DENND1A: variants seen among roughly 807,000 people sequenced by gnomAD.
DENND1A encodes DENN domain containing 1A.
In DENND1A, 51 loss-of-function variants were observed where a neutral mutation model predicts 113.7. The observed-to-expected ratio is 0.45, with a 90% CI of 0.36 to 0.57. DENND1A has a LOEUF of 0.57. Among genes scored for constraint, DENND1A ranks in the 20% least tolerant of loss-of-function variants. The pLI is 0.00. For synonymous variants in DENND1A, 565 were observed against 570.8 expected (o/e 0.99, Z 0.14); for missense variants, 1,258 against 1,395.9 (o/e 0.90, Z 1.57).
At chr9:123,397,385 C>T (rs1396599666) in intron 21 of DENND1A, among the ~76,000 whole-genome samples, 1 of 152,180 alleles carries the variant, frequency 6.6e-6, no homozygotes, top group African/African-American at 2.4e-5. Flanking sequence ...GAACTCCTGA[C>T]CTCAAGTGAT....
rs1176124615 is a variant in DENND1A, at chr9:123,897,171, C to T, written c.18-18150G>A. 4.6e-5 allele frequency among the ~76,000 whole-genome samples: 7 copies of T among 152,130 alleles called. No individual in the cohort carries two copies. The East Asian group carries it at 9.6e-4, about 21-fold the overall frequency. On this transcript the variant is annotated intron_variant, in intron 1 of 23. Coordinates refer to ENST00000394215, the MANE Select transcript of DENND1A (RefSeq NM_001352964.2). Reference sequence around the variant, plus strand: ...TAAAACCAGGGGAGAATTCATGGAGCGCTATTTGAGGAACCTAGAAAGTAG... The same window carrying T: ...TAAAACCAGGGGAGAATTCATGGAGTGCTATTTGAGGAACCTAGAAAGTAG...
chr9:123,403,499 G>A lies in DENND1A; in HGVS notation c.1543-9C>T. Reference sequence around the variant, plus strand: ...GGACGAGGTGGGCGCACCTAGAGGAGGTACAGGGGGAGAGCCCCAAGAAGG... The same window carrying A: ...GGACGAGGTGGGCGCACCTAGAGGAAGTACAGGGGGAGAGCCCCAAGAAGG... On this transcript the variant is annotated splice_polypyrimidine_tract_variant and intron_variant, in intron 20 of 23. Coordinates refer to ENST00000394215, the MANE Select transcript of DENND1A (RefSeq NM_001352964.2). 6.2e-7 allele frequency: 1 copy of A among 1,613,350 alleles called. No homozygotes were observed. The highest frequency in any genetic ancestry group is 8.5e-7 in the Non-Finnish European group (1 of 1,179,486).
At chr9:123,844,208 G>T (rs1370220109) in intron 2 of DENND1A, among the ~76,000 whole-genome samples, 1 of 152,076 alleles carries the variant, frequency 6.6e-6, no homozygotes, top group Non-Finnish European at 1.5e-5. Context: ...TGTATTGGAG[G>T]TTCTAGCCAG....
intron 21 of DENND1A, chr9:123,401,733 G>T: frequency 6.2e-7 from 1 of 1,604,434 alleles, no homozygotes; most frequent in Admixed American, 1.7e-5. Context: ...AGGAAAATGG[G>T]ATTATCAGAC....
At chr9:123,658,666 TG>T (rs2063085000) in intron 8 of DENND1A, among the ~76,000 whole-genome samples, 1 of 152,216 alleles carries the variant, frequency 6.6e-6, no homozygotes, top group South Asian at 2.1e-4. Context: ...TGAAAGGAAT[TG>T]TTCTTTTTTC....
intron 11 of DENND1A, among the ~76,000 whole-genome samples, chr9:123,588,318 A>G (rs1026653276): frequency 1.2e-4 from 18 of 145,446 alleles, no homozygotes; most frequent in Non-Finnish European, 2.6e-4. Flanking sequence ...ATAGATGCCT[A>G]CTATTAAAAA....
At chr9:123,452,903 C>T (rs2047840548) in intron 16 of DENND1A, among the ~76,000 whole-genome samples, 1 of 152,052 alleles carries the variant, frequency 6.6e-6, no homozygotes, top group African/African-American at 2.4e-5. Context: ...TCCTTAACAT[C>T]TAAATCTTGA....
chr9:123,546,255 A>G (rs575575747), intron 13 of DENND1A, among the ~76,000 whole-genome samples: 13 of 152,222 alleles, frequency 8.5e-5, no homozygotes, highest in South Asian at 8.3e-4. Flanking sequence ...ATACGTTTTA[A>G]AACTAAGTAT....
At chr9:123,810,566 A>AC (rs1345367980) in intron 2 of DENND1A, among the ~76,000 whole-genome samples, 39 of 149,834 alleles carry the variant, frequency 2.6e-4, no homozygotes, top group African/African-American at 8.5e-4. Flanking sequence ...AAAAAAAAAA[A>AC]AAACAAACAT....
At chr9:123,486,136 C>T (rs1301429647) in intron 13 of DENND1A, among the ~76,000 whole-genome samples, 2 of 152,184 alleles carry the variant, frequency 1.3e-5, no homozygotes, top group African/African-American at 2.4e-5. Flanking sequence ...GTCACAACCT[C>T]TCTGAGCCCT....
At chr9:123,420,266 C>T (rs545813951) in intron 19 of DENND1A, among the ~76,000 whole-genome samples, 5 of 152,290 alleles carry the variant, frequency 3.3e-5, no homozygotes, top group South Asian at 4.2e-4. Flanking sequence ...TTATGATTGC[C>T]GCTCTGTAGA....
At chr9:123,871,711 C>T (rs1347979496) in intron 2 of DENND1A, among the ~76,000 whole-genome samples, 4 of 152,012 alleles carry the variant, frequency 2.6e-5, no homozygotes, top group African/African-American at 4.8e-5. Flanking sequence ...CAGAGTTCCC[C>T]GACAGTTTCT....
intron 10 of DENND1A, among the ~76,000 whole-genome samples, chr9:123,616,378 C>T (rs960947144): frequency 2.6e-5 from 4 of 151,944 alleles, no homozygotes; most frequent in African/African-American, 7.3e-5. Context: ...CTACTGTCGA[C>T]AAAAAATGGT....
At chr9:123,749,801 G>A (rs757789579) in intron 5 of DENND1A, among the ~76,000 whole-genome samples, 10 of 152,134 alleles carry the variant, frequency 6.6e-5, no homozygotes, top group Non-Finnish European at 1.0e-4. Flanking sequence ...AGTTCTTGAG[G>A]TGGTTTCACT....
At chr9:123,760,345 C>T (rs1374247898) in intron 4 of DENND1A, among the ~76,000 whole-genome samples, 3 of 152,132 alleles carry the variant, frequency 2.0e-5, no homozygotes, top group African/African-American at 7.2e-5. Context: ...AAGGAATTTT[C>T]AAGGTATTCC....
chr9:123,809,150 G>T (rs1191627177), intron 2 of DENND1A, among the ~76,000 whole-genome samples: 1 of 152,172 alleles, frequency 6.6e-6, no homozygotes, highest in Admixed American at 6.5e-5. Context: ...ATTATCTTCA[G>T]CTGGACCATG....
chr9:123,731,231 T>C (rs1020742062), intron 5 of DENND1A, among the ~76,000 whole-genome samples: 19 of 152,180 alleles, frequency 1.2e-4, no homozygotes, highest in African/African-American at 4.3e-4. Context: ...GTTCTGCACA[T>C]GTATCCCAGA....
At chr9:123,645,376 T>A (rs980362622) in intron 9 of DENND1A, among the ~76,000 whole-genome samples, 3 of 151,900 alleles carry the variant, frequency 2.0e-5, no homozygotes, top group African/African-American at 7.3e-5. Context: ...TCAAGAGAGG[T>A]TCCTCAAAAA....
At chr9:123,621,926 T>C (rs530717434) in intron 10 of DENND1A, among the ~76,000 whole-genome samples, 3 of 152,220 alleles carry the variant, frequency 2.0e-5, no homozygotes, top group Non-Finnish European at 4.4e-5. Context: ...AAATCCTACA[T>C]GGAATATGTG....
Sources: gnomAD v4.1 joint callset for allele counts (sites outside exome capture counted in the v4.1 genomes callset) on GRCh38, gnomAD v4.1.1 for gene constraint, MANE v1.5 for transcripts, NCBI Gene and HGNC (gene_info 2026-07-23, HGNC 2026-07-21) for gene names.